The following MRPL3 variants were observed in gnomAD, a reference collection of about 807,000 sequenced individuals.
The protein encoded by MRPL3 is large ribosomal subunit protein uL3m.
A neutral mutation model predicts 44.3 loss-of-function variants in MRPL3; 43 were observed. The ratio of observed to expected loss-of-function variants is 0.97; its 90% CI spans 0.76 to 1.25. The LOEUF is 1.25. Ranked by LOEUF, MRPL3 falls within the 50% of genes most tolerant of loss-of-function variation. The probability of loss-of-function intolerance (pLI) is 0.00; values close to 1 mark genes in which losing one functional copy is unlikely to be tolerated. For synonymous variants in MRPL3, 171 were observed against 152.3 expected (o/e 1.12, Z -0.91); for missense variants, 406 against 427.6 (o/e 0.95, Z 0.45).
intron 2 of MRPL3, among the ~76,000 whole-genome samples, chr3:131,500,820 C>T (rs1490747024): frequency 6.6e-6 from 1 of 152,004 alleles, no homozygotes; most frequent in African/African-American, 2.4e-5. Context: ...ATGATAAATC[C>T]ATCATTTTGC....
intron 8 of MRPL3, among the ~76,000 whole-genome samples, chr3:131,468,566 C>CT (rs1933673191): frequency 6.6e-6 from 1 of 151,998 alleles, no homozygotes; most frequent in Non-Finnish European, 1.5e-5. Context: ...AGTAAGTGGG[C>CT]TGAGTAGATG....
At chr3:131,465,257 T>C (rs1933574621) in intron 9 of MRPL3, among the ~76,000 whole-genome samples, 1 of 152,234 alleles carries the variant, frequency 6.6e-6, no homozygotes, top group African/African-American at 2.4e-5. Context: ...TCTGAGTATC[T>C]TCAGTGATGG....
chr3:131,471,127 G>A lies in MRPL3; in HGVS notation c.738+44C>T, dbSNP rs777731469. On this transcript the variant is annotated intron_variant, in intron 7 of 9. Coordinates refer to ENST00000264995, the MANE Select transcript of MRPL3 (RefSeq NM_007208.4). ...CGGACTGAGGACTACATGTGCAGAA[G>A]TTGAATATTTAGCATTAAAAAGAGC... 3 of 1,348,170 alleles carry A rather than the reference G, an allele frequency of 2.2e-6. No individual in the cohort carries two copies. The African/African-American group carries it at 4.3e-5, about 19-fold the overall frequency. 83.5% of individuals were successfully genotyped at this position (1,348,170 alleles called of 1,614,324 possible).
chr3:131,502,855 C>A lies in MRPL3; in HGVS notation c.-34G>T. ...CCGGGAAGACTCGACTCACGACTTC[C>A]GGGCGCCCTGCCGCTCTGCTTTCAG... On this transcript the variant is annotated 5_prime_UTR_variant, in exon 1 of 10. Coordinates refer to ENST00000264995, the MANE Select transcript of MRPL3 (RefSeq NM_007208.4). 6.3e-7 allele frequency: 1 copy of A among 1,595,646 alleles called. No homozygotes were observed. The highest frequency in any genetic ancestry group is 8.6e-7 in the Non-Finnish European group (1 of 1,169,024).
At chr3:131,495,489 A>G (rs574171979) in intron 4 of MRPL3, among the ~76,000 whole-genome samples, 11 of 152,308 alleles carry the variant, frequency 7.2e-5, no homozygotes, top group Non-Finnish European at 1.5e-4. Flanking sequence ...TCTATGCTAG[A>G]GAAGTGAAGT....
intron 6 of MRPL3, among the ~76,000 whole-genome samples, chr3:131,483,252 T>A (rs1277386287): frequency 6.6e-6 from 1 of 152,066 alleles, no homozygotes; most frequent in Admixed American, 6.5e-5. Flanking sequence ...GTACCCAGGG[T>A]AGGGGCAGGG....
At chr3:131,481,765 C>T (rs1327864940) in intron 6 of MRPL3, among the ~76,000 whole-genome samples, 1 of 152,220 alleles carries the variant, frequency 6.6e-6, no homozygotes, top group African/African-American at 2.4e-5. Flanking sequence ...TTATTTCTCT[C>T]TATAGTTTAA....
chr3:131,497,602 G>C (rs971606474), intron 4 of MRPL3, among the ~76,000 whole-genome samples: 3 of 151,896 alleles, frequency 2.0e-5, no homozygotes, highest in African/African-American at 4.8e-5. Context: ...ATACTCATTG[G>C]GCAGCTTTTC....
chr3:131,472,674 G>A (rs1473641550), intron 6 of MRPL3, among the ~76,000 whole-genome samples: 1 of 152,084 alleles, frequency 6.6e-6, no homozygotes, highest in Non-Finnish European at 1.5e-5. Context: ...TCATATATAG[G>A]AAATCCTAGA....
At position 131,462,698 on chromosome 3, in the gene MRPL3, T is replaced by C. The variant is rs147193179; in HGVS notation, c.*25A>G. On this transcript the variant is annotated 3_prime_UTR_variant, in exon 10 of 10. Transcript: ENST00000264995. ...GGCTCATCGAAGCTCACAGAATATG[T>C]AAGGTTCTGCCACGTCCAAAGATGT... is the stretch of plus-strand genomic sequence containing the variant. The C allele has an allele frequency of 1.9e-6, 3 of 1,595,312 alleles. No individual in the cohort carries two copies. In the African/African-American group the frequency reaches 4.0e-5, roughly 21 times the overall value.
In MRPL3 at chr3:131,487,689, G is replaced by A. The variant is rs138019644; in HGVS notation, c.620C>T (p.Thr207Ile). ...HFRPGQYVDV[T>I]AKTIGKGFQG... ...CGCTATGAGGACCTACGTTTTGGCT[G>A]TGACATCCACATACTGTCCTGGACG... Residue 207 changes from threonine (T) to isoleucine (I), a missense_variant, in exon 6 of 10, where the codon ACA (threonine) becomes ATA (isoleucine). By Grantham distance (89) the Thr-to-Ile change is moderately conservative (BLOSUM62 -1). Transcript: ENST00000264995. 40 of 1,611,044 alleles carry A rather than the reference G, an allele frequency of 2.5e-5. No homozygotes were observed. The highest frequency in any genetic ancestry group is 2.2e-5 in the East Asian group (1 of 44,824).
intron 6 of MRPL3, among the ~76,000 whole-genome samples, chr3:131,476,650 T>G (rs1276133871): frequency 6.6e-6 from 1 of 152,112 alleles, no homozygotes; most frequent in Admixed American, 6.5e-5. Flanking sequence ...TAAGAAGACA[T>G]AAAAGATGTA....
Position 131,479,060 on chromosome 3 carries a change from A to C in MRPL3, c.630-7781T>G, listed in dbSNP as rs775726491. ...TCTAAGTAGAGGTTTTTCAATTAGA[A>C]CCATTTCCAAATTAAGTTTTCTTTT... is the stretch of plus-strand genomic sequence containing the variant. On this transcript the variant is annotated intron_variant, in intron 6 of 9. Transcript: ENST00000264995. The C allele has an allele frequency of 1.4e-5, 7 of 482,970 alleles. No individual in the cohort carries two copies. In the East Asian group the frequency reaches 3.9e-4, roughly 27 times the overall value. 29.9% of individuals were successfully genotyped at this position (482,970 alleles called of 1,614,324 possible).
chr3:131,475,905 C>T lies in MRPL3; in HGVS notation c.630-4626G>A, dbSNP rs561407666. On this transcript the variant is annotated intron_variant, in intron 6 of 9. Transcript: ENST00000264995. Reference sequence around the variant, plus strand: ...TTACCATATCATTTGGCAAACAACACTTCAAAGAGAAAAGGAGACAGAGAG... The same window carrying T: ...TTACCATATCATTTGGCAAACAACATTTCAAAGAGAAAAGGAGACAGAGAG... Among the ~76,000 whole-genome samples, 9 of 152,306 alleles carry T rather than the reference C, an allele frequency of 5.9e-5. No homozygotes were observed. The South Asian group carries it at 1.7e-3, about 28-fold the overall frequency.
chr3:131,492,835 CT>C (rs1934287884), intron 4 of MRPL3, among the ~76,000 whole-genome samples: 1 of 152,188 alleles, frequency 6.6e-6, no homozygotes, highest in Non-Finnish European at 1.5e-5. Flanking sequence ...CCACTCCTGC[CT>C]TCTGTCCTGC....
intron 6 of MRPL3, among the ~76,000 whole-genome samples, chr3:131,481,526 G>A (rs1039209598): frequency 7.9e-5 from 12 of 152,160 alleles, no homozygotes; most frequent in African/African-American, 2.7e-4. Context: ...AAGTTATCTA[G>A]GTCACAGAGC....
chr3:131,480,811 G>A (rs1933966227), intron 6 of MRPL3, among the ~76,000 whole-genome samples: 1 of 152,192 alleles, frequency 6.6e-6, no homozygotes, highest in East Asian at 1.9e-4. Flanking sequence ...CTACTGTCAT[G>A]TATTATTTCT....
intron 4 of MRPL3, among the ~76,000 whole-genome samples, chr3:131,496,169 G>T (rs951172343): frequency 1.3e-5 from 2 of 152,126 alleles, no homozygotes; most frequent in Non-Finnish European, 2.9e-5. Context: ...AAACACAGAA[G>T]TACAATCAAG....
intron 4 of MRPL3, among the ~76,000 whole-genome samples, chr3:131,491,995 A>C (rs1160129852): frequency 2.0e-5 from 3 of 152,018 alleles, no homozygotes; most frequent in African/African-American, 7.2e-5. Flanking sequence ...CTTCAGAAAA[A>C]ATGCACTCCC....
Sources: gnomAD v4.1 joint callset for allele counts (sites outside exome capture counted in the v4.1 genomes callset) on GRCh38, gnomAD v4.1.1 for gene constraint, MANE v1.5 for transcripts, NCBI Gene and HGNC (gene_info 2026-07-23, HGNC 2026-07-21) for gene names.